ULK4: variants seen among roughly 807,000 people sequenced by gnomAD.
ULK4 encodes inactive serine/threonine-protein kinase ULK4.
ULK4 carries 133 observed loss-of-function variants against 160.6 expected under a neutral mutation model. The observed-to-expected ratio is 0.83, with a 90% CI of 0.72 to 0.96. ULK4 has a LOEUF of 0.96. Among genes scored for constraint, ULK4 ranks in the 40% least tolerant of loss-of-function variants. ULK4 has a pLI of 0.00. For missense variants in ULK4, 1,580 were observed against 1,499.5 expected (o/e 1.05, Z -0.89); for synonymous variants, 534 against 539.8 (o/e 0.99, Z 0.15).
chr3:41,741,143 T>C (rs1315143266), intron 22 of ULK4, among the ~76,000 whole-genome samples: 2 of 151,948 alleles, frequency 1.3e-5, no homozygotes, highest in Non-Finnish European at 2.9e-5. Flanking sequence ...CTTCATTTTA[T>C]ATATACATAT....
At chr3:41,773,708 T>G (rs1345406532) in intron 21 of ULK4, among the ~76,000 whole-genome samples, 1 of 152,056 alleles carries the variant, frequency 6.6e-6, no homozygotes, top group Non-Finnish European at 1.5e-5. Flanking sequence ...CTTCACAGAA[T>G]TGGAAAAAAC....
intron 34 of ULK4, among the ~76,000 whole-genome samples, chr3:41,422,963 T>C (rs903977680): frequency 1.3e-5 from 2 of 152,200 alleles, no homozygotes; most frequent in Non-Finnish European, 2.9e-5. Flanking sequence ...AATAAACCAT[T>C]GTACATTCAT....
chr3:41,835,983 A>G lies in ULK4; in HGVS notation c.1657-12T>C, dbSNP rs932392395. Reference sequence around the variant, plus strand: ...AAGAGAACAATTGCCTGCAAAGACAAAAAAAAAAAAAGTAAATTATTTCAA... The same window carrying G: ...AAGAGAACAATTGCCTGCAAAGACAGAAAAAAAAAAAGTAAATTATTTCAA... On this transcript the variant is annotated splice_polypyrimidine_tract_variant and intron_variant, in intron 17 of 36. Transcript: ENST00000301831. 2.2e-5 allele frequency: 26 copies of G among 1,168,972 alleles called. No individual in the cohort carries two copies. The highest frequency in any genetic ancestry group is 3.1e-5 in the Non-Finnish European group (26 of 845,972). 72.4% of individuals were successfully genotyped at this position (1,168,972 alleles called of 1,614,324 possible). A position where few individuals can be genotyped will look rare whatever the true frequency, so the allele number is the denominator to read the frequency against.
At chr3:41,846,423 G>C (rs918434234) in intron 17 of ULK4, among the ~76,000 whole-genome samples, 1 of 152,066 alleles carries the variant, frequency 6.6e-6, no homozygotes, top group Non-Finnish European at 1.5e-5. Flanking sequence ...AGAAATCCAA[G>C]GAATATGTGG....
intron 35 of ULK4, among the ~76,000 whole-genome samples, chr3:41,306,574 C>T (rs2079942974): frequency 6.6e-6 from 1 of 150,532 alleles, no homozygotes; most frequent in African/African-American, 2.5e-5. Flanking sequence ...AGGTGAGGGG[C>T]ACCTCTGCCC....
chr3:41,414,919 C>T (rs1335293093), intron 34 of ULK4, among the ~76,000 whole-genome samples: 8 of 152,116 alleles, frequency 5.3e-5, no homozygotes, highest in Admixed American at 5.2e-4. Context: ...AGGCAGAAAA[C>T]CTGCCACCAT....
chr3:41,950,678 A>G (rs1161391340), intron 2 of ULK4, among the ~76,000 whole-genome samples: 1 of 151,798 alleles, frequency 6.6e-6, no homozygotes, highest in East Asian at 2.0e-4. Context: ...TGTGAGCCAC[A>G]ATGTCCAGGG....
At chr3:41,626,847 G>A (rs1404823702) in intron 30 of ULK4, among the ~76,000 whole-genome samples, 4 of 152,122 alleles carry the variant, frequency 2.6e-5, no homozygotes, top group African/African-American at 7.2e-5. Flanking sequence ...TGCTTTTGAG[G>A]TAAAGTCATA....
At chr3:41,722,953 A>T (rs1359717533) in intron 22 of ULK4, among the ~76,000 whole-genome samples, 1 of 152,054 alleles carries the variant, frequency 6.6e-6, no homozygotes, top group African/African-American at 2.4e-5. Flanking sequence ...AGGAATGGAA[A>T]CTCAAATATT....
intron 31 of ULK4, among the ~76,000 whole-genome samples, chr3:41,586,146 G>A (rs1326801389): frequency 6.6e-6 from 1 of 151,974 alleles, no homozygotes. Context: ...CACACTTCTG[G>A]GTATATATCC....
intron 31 of ULK4, among the ~76,000 whole-genome samples, chr3:41,587,743 T>C (rs2030934365): frequency 6.6e-6 from 1 of 152,206 alleles, no homozygotes; most frequent in Admixed American, 6.5e-5. Context: ...TATTACTATA[T>C]GAATTGAAAA....
rs1222762747 is a variant in ULK4 at position 41,783,003 on chromosome 3, T to C, written c.2193+6658A>G. Among the ~76,000 whole-genome samples, 7 of 144,928 alleles carry C rather than the reference T, an allele frequency of 4.8e-5. No homozygotes were observed. The South Asian group carries it at 6.5e-4, about 14-fold the overall frequency. ...GAGAAATATGAGCCAGCAAAGAACA[T>C]AGAGTTGGGTTGGTCCAATTTCTAC... On this transcript the variant is annotated intron_variant, in intron 21 of 36. Transcript: ENST00000301831.
At chr3:41,344,586 T>C (rs1466803547) in intron 35 of ULK4, among the ~76,000 whole-genome samples, 2 of 151,926 alleles carry the variant, frequency 1.3e-5, no homozygotes, top group African/African-American at 4.8e-5. Flanking sequence ...ACTGTGTCTC[T>C]ACTAAAAGTA....
intron 35 of ULK4, among the ~76,000 whole-genome samples, chr3:41,300,983 G>A (rs761010751): frequency 6.6e-6 from 1 of 150,798 alleles, no homozygotes; most frequent in African/African-American, 2.4e-5. Context: ...AGACTGTTAG[G>A]TGTGTTAGGT....
intron 17 of ULK4, among the ~76,000 whole-genome samples, chr3:41,867,127 T>C (rs1334621857): frequency 6.6e-6 from 1 of 152,194 alleles, no homozygotes; most frequent in East Asian, 1.9e-4. Context: ...ACTTATCGAG[T>C]TCATTGAGTT....
chr3:41,528,836 T>C (rs182072981), intron 32 of ULK4, among the ~76,000 whole-genome samples: 54 of 152,292 alleles, frequency 3.5e-4, no homozygotes, highest in Admixed American at 2.4e-3. Flanking sequence ...CAGTGTGTTG[T>C]TGTCCAAGAA....
chr3:41,730,023 A>G (rs924210550), intron 22 of ULK4, among the ~76,000 whole-genome samples: 3 of 152,240 alleles, frequency 2.0e-5, no homozygotes, highest in Non-Finnish European at 4.4e-5. Context: ...AAATACATGG[A>G]TATTAAACAA....
intron 31 of ULK4, among the ~76,000 whole-genome samples, chr3:41,577,441 G>T (rs1186389342): frequency 6.6e-6 from 1 of 152,078 alleles, no homozygotes; most frequent in Non-Finnish European, 1.5e-5. Flanking sequence ...GGGGAAATGG[G>T]GGTATCCATC....
At chr3:41,266,680 A>G (rs1337151288) in intron 35 of ULK4, among the ~76,000 whole-genome samples, 3 of 152,206 alleles carry the variant, frequency 2.0e-5, no homozygotes, top group Non-Finnish European at 4.4e-5. Context: ...TAAATAGCAT[A>G]CAAGTGCTTC....
Sources: gnomAD v4.1 joint callset for allele counts (sites outside exome capture counted in the v4.1 genomes callset) on GRCh38, gnomAD v4.1.1 for gene constraint, MANE v1.5 for transcripts, NCBI Gene and HGNC (gene_info 2026-07-23, HGNC 2026-07-21) for gene names.